FMNL2: variants seen among roughly 807,000 people sequenced by gnomAD.
The protein encoded by FMNL2 is formin-like protein 2.
In FMNL2, 51 loss-of-function variants were observed where a neutral mutation model predicts 130.2. The observed-to-expected ratio is 0.39, with a 90% CI of 0.31 to 0.49. The LOEUF (loss-of-function observed/expected upper bound fraction) is 0.49, where lower values mean the gene tolerates loss of function less well. FMNL2 is among the 20% of genes least tolerant of loss of function. The pLI, the probability that FMNL2 is intolerant of heterozygous loss-of-function variation, is 0.85. For missense variants in FMNL2, 977 were observed against 1,316.2 expected (o/e 0.74, Z 3.99); for synonymous variants, 465 against 467.1 (o/e 1.00, Z 0.06).
intron 1 of FMNL2, among the ~76,000 whole-genome samples, chr2:152,509,951 G>A (rs951820845): frequency 6.6e-6 from 1 of 151,828 alleles, no homozygotes; most frequent in Non-Finnish European, 1.5e-5. Flanking sequence ...ATCTCACTAT[G>A]TTGCCCAGGC....
chr2:152,364,261 GT>G (rs869062341), intron 1 of FMNL2, among the ~76,000 whole-genome samples: 1,873 of 24,450 alleles, frequency 0.077, 22 homozygotes, highest in African/African-American at 0.1. Flanking sequence ...AGGTTTGTGT[GT>G]TTTTTTTTTT....
intron 2 of FMNL2, among the ~76,000 whole-genome samples, chr2:152,530,398 G>A (rs558537543): frequency 2.6e-5 from 4 of 152,240 alleles, no homozygotes; most frequent in African/African-American, 9.6e-5. Flanking sequence ...CTTTCTAGAA[G>A]TTGTACAGCA....
intron 25 of FMNL2, among the ~76,000 whole-genome samples, chr2:152,642,131 G>A (rs1244194717): frequency 1.3e-5 from 2 of 152,048 alleles, no homozygotes; most frequent in African/African-American, 2.4e-5. Flanking sequence ...TAGTAGAGAT[G>A]GGGTTTCACC....
rs1208255425 is a variant in FMNL2 at position 152,371,441 on chromosome 2, C to T, written c.117+35721C>T. On this transcript the variant is annotated intron_variant, in intron 1 of 25. Coordinates refer to ENST00000288670, the MANE Select transcript of FMNL2 (RefSeq NM_052905.4). ...ATCCCAGTACTTTGGGAGGCTGAGG[C>T]GGGCGGATCATGAGTTCAGGAGATT... is the stretch of plus-strand genomic sequence containing the variant. 7.9e-5 allele frequency among the ~76,000 whole-genome samples: 12 copies of T among 152,066 alleles called. No individual in the cohort carries two copies. In the South Asian group the frequency reaches 1.0e-3, roughly 13 times the overall value.
intron 1 of FMNL2, among the ~76,000 whole-genome samples, chr2:152,374,035 C>G (rs908928059): frequency 2.0e-5 from 3 of 152,108 alleles, no homozygotes; most frequent in Non-Finnish European, 4.4e-5. Flanking sequence ...TATGGTTGAT[C>G]TGTGTAATTC....
chr2:152,347,306 T>C (rs1682182539), intron 1 of FMNL2, among the ~76,000 whole-genome samples: 1 of 152,146 alleles, frequency 6.6e-6, no homozygotes, highest in African/African-American at 2.4e-5. Flanking sequence ...GTGGTCTGAC[T>C]CCAAGTGACT....
chr2:152,389,676 G>A (rs1359679461), intron 1 of FMNL2, among the ~76,000 whole-genome samples: 1 of 152,240 alleles, frequency 6.6e-6, no homozygotes, highest in African/African-American at 2.4e-5. Flanking sequence ...GAGCCGGCGC[G>A]ATGGGCGGAG....
intron 4 of FMNL2, among the ~76,000 whole-genome samples, chr2:152,551,803 C>G (rs1694951766): frequency 6.6e-6 from 1 of 152,144 alleles, no homozygotes; most frequent in Non-Finnish European, 1.5e-5. Flanking sequence ...ATTACTTGAG[C>G]CCAAGAGTTT....
chr2:152,387,820 A>T (rs1188446024), intron 1 of FMNL2, among the ~76,000 whole-genome samples: 26 of 146,374 alleles, frequency 1.8e-4, no homozygotes, highest in East Asian at 4.0e-4. Flanking sequence ...TAAAAAAAAA[A>T]TTTTTTTTTT....
intron 7 of FMNL2, among the ~76,000 whole-genome samples, chr2:152,576,651 G>A (rs757571822): frequency 1.3e-4 from 20 of 152,146 alleles, no homozygotes; most frequent in Non-Finnish European, 4.4e-5. Context: ...GAAAAAATAG[G>A]AAATAGGAAC....
intron 3 of FMNL2, among the ~76,000 whole-genome samples, chr2:152,544,091 T>C (rs925687882): frequency 2.0e-5 from 3 of 152,192 alleles, no homozygotes; most frequent in African/African-American, 4.8e-5. Context: ...TGTGGCAGTC[T>C]TAATTTCATC....
chr2:152,483,788 C>T (rs1019093678), intron 1 of FMNL2, among the ~76,000 whole-genome samples: 3 of 152,248 alleles, frequency 2.0e-5, no homozygotes, highest in African/African-American at 7.2e-5. Context: ...ATGAATTGCT[C>T]ATCTCTTGAA....
At chr2:152,496,385 C>A in intron 1 of FMNL2, among the ~76,000 whole-genome samples, 1 of 152,144 alleles carries the variant, frequency 6.6e-6, no homozygotes. Flanking sequence ...ATCACATGCC[C>A]ATGGTATCTG....
chr2:152,380,038 A>G (rs1358584373), intron 1 of FMNL2, among the ~76,000 whole-genome samples: 1 of 152,118 alleles, frequency 6.6e-6, no homozygotes, highest in African/African-American at 2.4e-5. Flanking sequence ...TTCTGGGGCT[A>G]CTCTTTCAAC....
intron 1 of FMNL2, among the ~76,000 whole-genome samples, chr2:152,445,317 G>A (rs564895512): frequency 1.3e-5 from 2 of 152,206 alleles, no homozygotes; most frequent in Non-Finnish European, 2.9e-5. Flanking sequence ...TTCTGCCAAA[G>A]TAAGAATCTC....
rs114088151 is a variant in FMNL2, at chr2:152,544,844, A to G, written c.282+2025A>G. Among the ~76,000 whole-genome samples the G allele has an allele frequency of 8.3e-3, 1,262 of 152,294 alleles. 22 individuals carry two copies. The highest frequency in any genetic ancestry group is 0.029 in the African/African-American group (1,209 of 41,572). On this transcript the variant is annotated intron_variant, in intron 3 of 25. Coordinates refer to ENST00000288670, the MANE Select transcript of FMNL2 (RefSeq NM_052905.4). Reference sequence around the variant, plus strand: ...TGGGCTTCCTCCTGGCACAGTTCCAATTTTCCTTTAGATCAGCTGTTTCTG... The same window carrying G: ...TGGGCTTCCTCCTGGCACAGTTCCAGTTTTCCTTTAGATCAGCTGTTTCTG...
chr2:152,343,049 A>G (rs939243620), intron 1 of FMNL2, among the ~76,000 whole-genome samples: 15 of 152,220 alleles, frequency 9.9e-5, no homozygotes, highest in Non-Finnish European at 2.2e-4. Context: ...TGATTCCATG[A>G]TCTTCAGTGT....
At chr2:152,390,105 A>G (rs978752392) in intron 1 of FMNL2, 9 of 1,412,652 alleles carry the variant, frequency 6.4e-6, no homozygotes, top group Non-Finnish European at 9.0e-6. Context: ...TGAGGAGGAC[A>G]AAGGAAAACT....
chr2:152,589,940 C>CATATATATATAT (rs771625998), intron 9 of FMNL2, among the ~76,000 whole-genome samples: 5 of 67,018 alleles, frequency 7.5e-5, no homozygotes, highest in East Asian at 7.2e-4. Context: ...TGGCTTTATA[C>CATATATATATAT]ATATATATAT....
Sources: gnomAD v4.1 joint callset for allele counts (sites outside exome capture counted in the v4.1 genomes callset) on GRCh38, gnomAD v4.1.1 for gene constraint, MANE v1.5 for transcripts, NCBI Gene and HGNC (gene_info 2026-07-23, HGNC 2026-07-21) for gene names.